HK1: variants seen among roughly 807,000 people sequenced by gnomAD.
HK1 encodes the protein hexokinase-1.
Under a neutral mutation model 91.6 loss-of-function variants are expected in HK1, and 28 were observed. That is an observed-to-expected ratio of 0.31 (90% CI 0.23 to 0.42). The LOEUF (loss-of-function observed/expected upper bound fraction) is 0.42, where lower values mean the gene tolerates loss of function less well. Among genes scored for constraint, HK1 ranks in the 10% least tolerant of loss-of-function variants. The pLI, the probability that HK1 is intolerant of heterozygous loss-of-function variation, is 1.00. For missense variants in HK1, 770 were observed against 1,219.8 expected (o/e 0.63, Z 5.49); for synonymous variants, 430 against 468.1 (o/e 0.92, Z 1.05).
intron 1 of HK1, among the ~76,000 whole-genome samples, chr10:69,273,820 A>T (rs1844303588): frequency 6.6e-6 from 1 of 152,176 alleles, no homozygotes; most frequent in Non-Finnish European, 1.5e-5. Context: ...CTCTATTGAC[A>T]TTATTTATCT....
intron 1 of HK1, among the ~76,000 whole-genome samples, chr10:69,335,182 G>A (rs1847916240): frequency 6.6e-6 from 1 of 152,184 alleles, no homozygotes; most frequent in African/African-American, 2.4e-5. Context: ...CTACTGAGGT[G>A]GGGCTGGGCA....
At chr10:69,277,350 T>C (rs1844522969) in intron 1 of HK1, among the ~76,000 whole-genome samples, 1 of 152,198 alleles carries the variant, frequency 6.6e-6, no homozygotes, top group South Asian at 2.1e-4. Context: ...CGAGGATTGC[T>C]TAAGGCCAGG....
At chr10:69,315,878 C>T, upstream of HK1, 2 of 1,448,586 alleles carry the variant, frequency 1.4e-6, no homozygotes, top group Non-Finnish European at 1.9e-6. Context: ...CTACCACAAC[C>T]TGACACTGGG....
At chr10:69,354,107 ACTTG>A (rs1338594896) in intron 2 of HK1, among the ~76,000 whole-genome samples, 2 of 152,242 alleles carry the variant, frequency 1.3e-5, no homozygotes, top group African/African-American at 2.4e-5. Flanking sequence ...CTGCAGAATT[ACTTG>A]CTTGGTGTGT....
At chr10:69,293,750 A>G (rs1845402871) in intron 3 of HK1, among the ~76,000 whole-genome samples, 1 of 152,082 alleles carries the variant, frequency 6.6e-6, no homozygotes, top group Non-Finnish European at 1.5e-5. Context: ...GCCATGTGCC[A>G]CACATGTTCA....
At chr10:69,348,177 GA>G (rs1223677202) in intron 2 of HK1, among the ~76,000 whole-genome samples, 1 of 152,114 alleles carries the variant, frequency 6.6e-6, no homozygotes, top group Non-Finnish European at 1.5e-5. Flanking sequence ...TTACCCAAAA[GA>G]GAAGTTTTTA....
chr10:69,334,120 A>G (rs1847863502), intron 1 of HK1, among the ~76,000 whole-genome samples: 1 of 152,120 alleles, frequency 6.6e-6, no homozygotes, highest in Admixed American at 6.5e-5. Flanking sequence ...TCAAAAAAGA[A>G]AAAAATGGGG....
chr10:69,368,642 C>G lies in HK1; in HGVS notation c.591+11C>G. 1 of 1,600,874 alleles carries G rather than the reference C, an allele frequency of 6.2e-7. No individual in the cohort carries two copies. Among genetic ancestry groups the G allele is most frequent in the African/African-American group, 1.3e-5 (1 of 74,762 alleles). ...ATCAAAAAGCGAGGGGTAATTTCTC[C>G]TGGGCCCTCTGCCTCAGCCATGCAG... On this transcript the variant is annotated intron_variant, in intron 5 of 17. Coordinates refer to ENST00000359426, the MANE Select transcript of HK1 (RefSeq NM_000188.3).
At chr10:69,313,153 C>T (rs1013308676), upstream of HK1, among the ~76,000 whole-genome samples, 1 of 152,236 alleles carries the variant, frequency 6.6e-6, no homozygotes, top group Middle Eastern at 3.2e-3. Context: ...TTGCCTCATC[C>T]TCATCCCAGC....
chr10:69,376,818 G>A lies in HK1; in HGVS notation c.876-116G>A. ...AGCACATGGTTTTGCCTGCCAGCGAGGCTGGGGGCTGGTGAGGGGTGAGTC... is the reference window on the plus strand; with the variant it reads ...AGCACATGGTTTTGCCTGCCAGCGAAGCTGGGGGCTGGTGAGGGGTGAGTC... On this transcript the variant is annotated intron_variant, in intron 7 of 17. Coordinates refer to ENST00000359426, the MANE Select transcript of HK1 (RefSeq NM_000188.3). 3.8e-6 allele frequency: 5 copies of A among 1,314,590 alleles called. No homozygotes were observed. The South Asian group carries it at 5.9e-5, about 16-fold the overall frequency. The allele number at this position is 1,314,590 out of a possible 1,614,324, so 81.4% of individuals were successfully genotyped here.
Position 69,354,452 on chromosome 10 carries a change from C to T in HK1, c.227-5445C>T, listed in dbSNP as rs534556107. ...AGCGGCAGGAAGGAGAAGTGCTGAG[C>T]GAAGGGGGAAGAGCTCCTTATAAAA... On this transcript the variant is annotated intron_variant, in intron 2 of 17. Transcript: ENST00000359426. 1.2e-4 allele frequency among the ~76,000 whole-genome samples: 18 copies of T among 152,204 alleles called. No homozygotes were observed. In the South Asian group the frequency reaches 2.5e-3, roughly 21 times the overall value.
chr10:69,330,165 CACCCAG>C (rs1169804454), intron 1 of HK1, among the ~76,000 whole-genome samples: 1 of 152,192 alleles, frequency 6.6e-6, no homozygotes, highest in Non-Finnish European at 1.5e-5. Context: ...CCATGTTATT[CACCCAG>C]ACCTCATGTC....
Position 69,346,592 on chromosome 10 carries a change from G to A in HK1, c.226+2603G>A, listed in dbSNP as rs1350461856. Among the ~76,000 whole-genome samples, 11 of 151,628 alleles carry A rather than the reference G, an allele frequency of 7.3e-5. No homozygotes were observed. The East Asian group carries it at 2.1e-3, about 29-fold the overall frequency. On this transcript the variant is annotated intron_variant, in intron 2 of 17. Transcript: ENST00000359426. ...TTGCCATGTTGCCCAGACTGGTCTT[G>A]AACTCCTAGGCTCAGGCGATCCTCC...
intron 5 of HK1, among the ~76,000 whole-genome samples, chr10:69,310,465 C>T (rs1034035931): frequency 6.7e-6 from 1 of 149,480 alleles, no homozygotes; most frequent in African/African-American, 2.5e-5. Flanking sequence ...CATATAAAAA[C>T]TCAGAATCTA....
intron 1 of HK1, among the ~76,000 whole-genome samples, chr10:69,279,391 T>A (rs1399925384): frequency 6.6e-6 from 1 of 152,228 alleles, no homozygotes; most frequent in Non-Finnish European, 1.5e-5. Flanking sequence ...GCACATTCTT[T>A]GAAGTAGAAC....
At position 69,384,224 on chromosome 10, in the gene HK1, CTA is replaced by C. The variant is rs1171472368; in HGVS notation, c.1571-107_1571-106del. The C allele has an allele frequency of 2.3e-6, 3 of 1,319,812 alleles. No individual in the cohort carries two copies. In the African/African-American group the frequency reaches 4.3e-5, roughly 19 times the overall value. 81.8% of individuals were successfully genotyped at this position (1,319,812 alleles called of 1,614,324 possible). A position where few individuals can be genotyped will look rare whatever the true frequency, so the allele number is the denominator to read the frequency against. On this transcript the variant is annotated intron_variant, in intron 10 of 17. Coordinates refer to ENST00000359426, the MANE Select transcript of HK1 (RefSeq NM_000188.3). ...AAAGGGAGGAGTTGCAGCTTCTCCTCTATGTTTGCTATGGGGTTCTCCCCTTG... is the reference window on the plus strand; with the variant it reads ...AAAGGGAGGAGTTGCAGCTTCTCCTCTGTTTGCTATGGGGTTCTCCCCTTG...
intron 12 of HK1, 56 bp from the exon 13 acceptor site, chr10:69,386,267 G>A: frequency 7.0e-7 from 1 of 1,428,012 alleles, no homozygotes; most frequent in Non-Finnish European, 9.9e-7. Flanking sequence ...GGAATTTTGT[G>A]TTCTCCCCTT....
At chr10:69,351,369 C>G (rs1213597430) in intron 2 of HK1, among the ~76,000 whole-genome samples, 1 of 151,776 alleles carries the variant, frequency 6.6e-6, no homozygotes, top group Admixed American at 6.6e-5. Flanking sequence ...ATGAGCTGGG[C>G]GTGGTGGTGG....
At chr10:69,274,761 T>C (rs1844349601) in intron 1 of HK1, among the ~76,000 whole-genome samples, 1 of 152,076 alleles carries the variant, frequency 6.6e-6, no homozygotes, top group South Asian at 2.1e-4. Flanking sequence ...AAAAATCCTA[T>C]GGGGAGAACT....
Sources: allele counts gnomAD v4.1 joint callset (sites outside exome capture counted in the v4.1 genomes callset), GRCh38; gene constraint gnomAD v4.1.1; transcripts MANE v1.5; gene names NCBI Gene and HGNC (gene_info 2026-07-23, HGNC 2026-07-21).